The following ZNF18 variants were observed in gnomAD, a reference collection of about 807,000 sequenced individuals.
ZNF18 encodes zinc finger protein 18.
ZNF18 carries 42 observed loss-of-function variants against 58.1 expected under a neutral mutation model. The ratio of observed to expected loss-of-function variants is 0.72; its 90% CI spans 0.56 to 0.93. The LOEUF (loss-of-function observed/expected upper bound fraction) is 0.93, where lower values mean the gene tolerates loss of function less well. Ranked by LOEUF, ZNF18 falls within the 40% of genes least tolerant of loss-of-function variation. The pLI is 0.00. For synonymous variants in ZNF18, 231 were observed against 239.8 expected, an observed-to-expected ratio of 0.96 and a Z score of 0.34; for missense variants, 540 against 644.2, an observed-to-expected ratio of 0.84 and a Z score of 1.75.
Position 11,989,098 on chromosome 17 carries a change from G to T in ZNF18, c.666+1364C>A, listed in dbSNP as rs549612170. Reference sequence around the variant, plus strand: ...TGCTTGAACCAAGAAGTCGGAGGTTGTAGTGAGCTGAGATCGCGCCACTGC... The same window carrying T: ...TGCTTGAACCAAGAAGTCGGAGGTTTTAGTGAGCTGAGATCGCGCCACTGC... On this transcript the variant is annotated intron_variant, in intron 4 of 6. Coordinates refer to ENST00000580306, the MANE Select transcript of ZNF18 (RefSeq NM_001303281.2). Among the ~76,000 whole-genome samples the T allele has an allele frequency of 2.3e-3, 355 of 151,758 alleles. 5 individuals carry two copies. The highest frequency in any genetic ancestry group is 7.6e-3 in the African/African-American group (316 of 41,338).
rs757814225 is a variant in ZNF18, at chr17:11,992,505, C to T, written c.325G>A (p.Gly109Arg). 2 of 1,614,222 alleles carry T rather than the reference C, an allele frequency of 1.2e-6. No individual in the cohort carries two copies. The highest frequency in any genetic ancestry group is 2.2e-5 in the South Asian group (2 of 91,090). ...TCCACAAGGGTCACTGCCTCTTCTC[C>T]ACTTCCTGGACACTGTTTCCGCACC... is the stretch of plus-strand genomic sequence containing the variant. ...MWVRKQCPGS[G>R]EEAVTLVESL... The change falls in exon 2 of 7, where the codon GGA becomes AGA. Residue 109 changes from glycine (G) to arginine (R), a missense_variant. Coordinates refer to ENST00000580306, the MANE Select transcript of ZNF18 (RefSeq NM_001303281.2).
At chr17:11,996,281 G>A (rs1158228756) in intron 1 of ZNF18, among the ~76,000 whole-genome samples, 1 of 152,166 alleles carries the variant, frequency 6.6e-6, no homozygotes, top group Non-Finnish European at 1.5e-5. Context: ...AAAATACCTT[G>A]CTTTGTAAAT....
Position 11,991,076 on chromosome 17 carries a change from C to T in ZNF18, c.475G>A (p.Glu159Lys). ...AGTCCCAACTCCTGAGGCACCACTT[C>T]AAGATGGGGCTCCACTTCCCCCACT... The part of the protein sequence containing the change: ...CQVGEVEPHL[E>K]VVPQELGLEN... The change falls in exon 3 of 7, where the codon GAA (glutamate) becomes AAA (lysine). Residue 159 changes from glutamate to lysine, a missense_variant. Glu to Lys is a moderately conservative substitution (Grantham distance 56, BLOSUM62 1). Coordinates refer to ENST00000580306, the MANE Select transcript of ZNF18 (RefSeq NM_001303281.2). 6.2e-7 allele frequency: 1 copy of T among 1,614,196 alleles called. No homozygotes were observed. The highest frequency in any genetic ancestry group is 1.7e-5 in the Admixed American group (1 of 60,022).
chr17:12,018,181 T>A, the ZNF18 span, among the ~76,000 whole-genome samples: 2 of 152,258 alleles, frequency 1.3e-5, no homozygotes, highest in Non-Finnish European at 2.9e-5. Flanking sequence ...TTGCTGGTTA[T>A]TCATATGTAT....
At chr17:11,992,389 G>A in intron 2 of ZNF18, 54 bp downstream of exon 2, 1 of 1,564,578 alleles carries the variant, frequency 6.4e-7, no homozygotes, top group Non-Finnish European at 8.7e-7. Context: ...ACACCTGATG[G>A]GACCAGAGAG....
At chr17:11,997,850 T>C (rs544185822), upstream of ZNF18, among the ~76,000 whole-genome samples, 1 of 152,336 alleles carries the variant, frequency 6.6e-6, no homozygotes, top group Non-Finnish European at 1.5e-5. Flanking sequence ...CCATTATCCC[T>C]GATTCTTAAC....
At chr17:12,008,454 C>T in the ZNF18 span, among the ~76,000 whole-genome samples, 1 of 152,152 alleles carries the variant, frequency 6.6e-6, no homozygotes, top group Non-Finnish European at 1.5e-5. Context: ...CACGCCTCAG[C>T]CTGTCAAGTA....
At chr17:12,020,641 CCCGCAG>C in the ZNF18 span, among the ~76,000 whole-genome samples, 4 of 152,184 alleles carry the variant, frequency 2.6e-5, no homozygotes, top group Non-Finnish European at 5.9e-5. Flanking sequence ...GCCCCGCGGG[CCCGCAG>C]CCCTGGTCCA....
upstream of ZNF18, among the ~76,000 whole-genome samples, chr17:11,998,923 A>C (rs9748000): frequency 6.7e-6 from 1 of 149,956 alleles, no homozygotes. Flanking sequence ...TGATCCACCC[A>C]CCTTGGCCTC....
chr17:12,009,995 T>C, the ZNF18 span, among the ~76,000 whole-genome samples: 1 of 152,188 alleles, frequency 6.6e-6, no homozygotes, highest in Non-Finnish European at 1.5e-5. Flanking sequence ...AACATCACCT[T>C]TTCCTTGACT....
chr17:12,020,753 G>A, the ZNF18 span: 1 of 398,768 alleles, frequency 2.5e-6, no homozygotes, highest in Admixed American at 4.7e-5. Context: ...TGGCGGGGGC[G>A]TGTCAGGAGG....
At chr17:11,981,771 TTAAAAA>T (rs1161998699) in intron 6 of ZNF18, among the ~76,000 whole-genome samples, 1 of 152,088 alleles carries the variant, frequency 6.6e-6, no homozygotes, top group Non-Finnish European at 1.5e-5. Context: ...AAAACTCGTC[TTAAAAA>T]TAAATCCTGT....
chr17:11,994,815 T>C (rs540448197), intron 1 of ZNF18, among the ~76,000 whole-genome samples: 1 of 151,702 alleles, frequency 6.6e-6, no homozygotes, highest in Non-Finnish European at 1.5e-5. Context: ...CACTCCAACC[T>C]GGGCGACAGA....
At chr17:12,005,440 G>T in the ZNF18 span, among the ~76,000 whole-genome samples, 1 of 152,128 alleles carries the variant, frequency 6.6e-6, no homozygotes, top group Non-Finnish European at 1.5e-5. Flanking sequence ...GTTTGCAAGA[G>T]CTACTGACTC....
At chr17:12,006,538 T>G in the ZNF18 span, among the ~76,000 whole-genome samples, 6 of 152,178 alleles carry the variant, frequency 3.9e-5, no homozygotes, top group African/African-American at 1.4e-4. Flanking sequence ...GTATCACGTG[T>G]TTTAGGATAG....
At chr17:11,991,930 G>T (rs568330592) in intron 2 of ZNF18, among the ~76,000 whole-genome samples, 2 of 152,174 alleles carry the variant, frequency 1.3e-5, no homozygotes, top group African/African-American at 4.8e-5. Context: ...GGTTCAGGAA[G>T]CTTCCAGGTT....
At chr17:11,986,562 CTTTAA>C (rs529288924) in intron 4 of ZNF18, among the ~76,000 whole-genome samples, 43 of 152,270 alleles carry the variant, frequency 2.8e-4, no homozygotes, top group South Asian at 1.0e-3. Flanking sequence ...TTAATGTGAA[CTTTAA>C]TTTAAATTTT....
At chr17:12,002,511 G>A in the ZNF18 span, 1 of 152,104 alleles carries the variant, frequency 6.6e-6, no homozygotes, top group Non-Finnish European at 1.5e-5. Flanking sequence ...TCCCATTGTA[G>A]AGATAAGAAA....
intron 3 of ZNF18, 144 bp downstream of exon 3, chr17:11,990,830 A>T: frequency 1.1e-6 from 1 of 945,440 alleles, no homozygotes; most frequent in Non-Finnish European, 1.6e-6. Context: ...CTCTCCAAAC[A>T]AGAGCGGTTT....
Sources: gnomAD v4.1 joint callset for allele counts (sites outside exome capture counted in the v4.1 genomes callset) on GRCh38, gnomAD v4.1.1 for gene constraint, MANE v1.5 for transcripts, NCBI Gene and HGNC (gene_info 2026-07-23, HGNC 2026-07-21) for gene names.